Variants in NUP210L observed in about 807,000 individuals in gnomAD.
NUP210L encodes nuclear pore membrane glycoprotein 210-like.
Under a neutral mutation model 208.5 loss-of-function variants are expected in NUP210L, and 74 were observed. That is an observed-to-expected ratio of 0.35 (90% CI 0.29 to 0.43). The LOEUF (loss-of-function observed/expected upper bound fraction) is 0.43. NUP210L is among the 20% of genes least tolerant of loss of function. The pLI, the probability that NUP210L is intolerant of heterozygous loss-of-function variation, is 1.00. For synonymous variants in NUP210L, 780 were observed against 816.9 expected, an observed-to-expected ratio of 0.95 and a Z score of 0.77; for missense variants, 1,843 against 2,289.4, an observed-to-expected ratio of 0.81 and a Z score of 3.98.
At chr1:154,129,153 A>G (rs1419187904) in intron 8 of NUP210L, 124 bp downstream of exon 8, 5 of 589,720 alleles carry the variant, frequency 8.5e-6, no homozygotes, top group Non-Finnish European at 1.5e-5. Flanking sequence ...ATGTCAAAGT[A>G]AGGTTGAATT....
At chr1:154,140,919 G>A (rs930564246) in intron 4 of NUP210L, among the ~76,000 whole-genome samples, 5 of 149,430 alleles carry the variant, frequency 3.3e-5, no homozygotes, top group Admixed American at 6.7e-5. Context: ...GCGTGAACCC[G>A]GGAGGCAGAG....
At chr1:154,120,746 A>C (rs994799153) in intron 10 of NUP210L, among the ~76,000 whole-genome samples, 5 of 151,894 alleles carry the variant, frequency 3.3e-5, no homozygotes, top group African/African-American at 1.2e-4. Flanking sequence ...GATACAAAAA[A>C]TTAGCCAGGC....
rs139271850 is a variant in NUP210L at position 154,034,261 on chromosome 1, A to G, written c.3697-4207T>C. Among the ~76,000 whole-genome samples, 641 of 152,194 alleles carry G rather than the reference A, an allele frequency of 4.2e-3. 16 individuals carry two copies. In the East Asian group the frequency reaches 0.064, roughly 15 times the overall value. On this transcript the variant is annotated intron_variant, in intron 27 of 39. Coordinates refer to ENST00000368559, the Ensembl canonical transcript of NUP210L. ...GAATAGTTTGAGTAGGATTGGTATT[A>G]GTTCTCCTTTAAATGTTTGGTAAAA...
At chr1:154,148,460 G>A (rs1380406033) in intron 2 of NUP210L, among the ~76,000 whole-genome samples, 2 of 152,150 alleles carry the variant, frequency 1.3e-5, no homozygotes, top group Non-Finnish European at 2.9e-5. Context: ...TCCAGCCTTG[G>A]TGACAGAGAC....
At chr1:154,032,497 CTTTT>C (rs1043466825) in intron 27 of NUP210L, among the ~76,000 whole-genome samples, 1 of 145,418 alleles carries the variant, frequency 6.9e-6, no homozygotes, top group African/African-American at 2.5e-5. Context: ...ATTTGTATGA[CTTTT>C]TTTTTTTTGG....
intron 5 of NUP210L, 124 bp downstream of exon 5, chr1:154,139,678 A>G: frequency 1.3e-6 from 1 of 744,388 alleles, no homozygotes; most frequent in Non-Finnish European, 2.2e-6. Flanking sequence ...ACAAAAACAA[A>G]CAAACAAACA....
At chr1:154,132,925 T>C (rs1658332337) in intron 7 of NUP210L, among the ~76,000 whole-genome samples, 1 of 152,228 alleles carries the variant, frequency 6.6e-6, no homozygotes. Context: ...ATTTTTTTGG[T>C]GTTGGCAACT....
At chr1:154,116,448 G>T (rs1229212260) in intron 12 of NUP210L, among the ~76,000 whole-genome samples, 1 of 150,822 alleles carries the variant, frequency 6.6e-6, no homozygotes, top group East Asian at 2.0e-4. Flanking sequence ...AAAAAATGGG[G>T]CTGGGTACAG....
intron 7 of NUP210L, among the ~76,000 whole-genome samples, chr1:154,132,008 C>T (rs1165014036): frequency 6.6e-6 from 1 of 152,108 alleles, no homozygotes; most frequent in African/African-American, 2.4e-5. Context: ...TGGGGTTTCT[C>T]CATGTTGACC....
chr1:154,144,662 C>T (rs1659031249), intron 2 of NUP210L, among the ~76,000 whole-genome samples: 1 of 152,202 alleles, frequency 6.6e-6, no homozygotes. Context: ...ATAGCTGTTC[C>T]ATTCTACTAT....
At chr1:154,123,557 T>C (rs1422790673) in intron 10 of NUP210L, among the ~76,000 whole-genome samples, 1 of 152,214 alleles carries the variant, frequency 6.6e-6, no homozygotes, top group Non-Finnish European at 1.5e-5. Flanking sequence ...GGTAAATCTA[T>C]AATAATTTCA....
chr1:154,067,624 A>G (rs576188960), intron 17 of NUP210L, among the ~76,000 whole-genome samples: 121 of 152,248 alleles, frequency 7.9e-4, no homozygotes, highest in African/African-American at 2.3e-3. Flanking sequence ...GAAATAAAGG[A>G]TATTCAATTA....
At chr1:154,126,010 C>T (rs925574179) in intron 10 of NUP210L, among the ~76,000 whole-genome samples, 2 of 151,080 alleles carry the variant, frequency 1.3e-5, no homozygotes, top group African/African-American at 2.4e-5. Context: ...CCTCGTGATC[C>T]GCCCGCCTCG....
intron 15 of NUP210L, among the ~76,000 whole-genome samples, chr1:154,092,454 C>T (rs1416599275): frequency 1.3e-5 from 2 of 151,508 alleles, no homozygotes; most frequent in Non-Finnish European, 2.9e-5. Flanking sequence ...ACCTCAACCT[C>T]TGCCTCCCGG....
At chr1:154,063,685 G>T (rs75164063) in intron 17 of NUP210L, among the ~76,000 whole-genome samples, 1 of 151,986 alleles carries the variant, frequency 6.6e-6, no homozygotes, top group Non-Finnish European at 1.5e-5. Flanking sequence ...CACAAAATGG[G>T]GATAATAATA....
chr1:154,155,054 C>G, exon 1 of NUP210L: 3 of 1,590,774 alleles, frequency 1.9e-6, no homozygotes, highest in Non-Finnish European at 2.6e-6. Context: ...TGGCGACTGC[C>G]AGGTCTCGGG....
At chr1:154,058,839 C>T (rs1319374276) in intron 20 of NUP210L, 146 bp from the exon 21 acceptor site, 3 of 713,864 alleles carry the variant, frequency 4.2e-6, no homozygotes, top group Admixed American at 2.9e-5. Context: ...ATTATTCAGG[C>T]ATAGCATAAT....
intron 4 of NUP210L, among the ~76,000 whole-genome samples, chr1:154,140,862 C>T (rs537241558): frequency 4.0e-5 from 6 of 151,336 alleles, no homozygotes; most frequent in Admixed American, 6.6e-5. Context: ...GGCGTGGTGG[C>T]GGGCTCCTGT....
chr1:154,103,982 G>C, intron 13 of NUP210L, 30 bp downstream of exon 13: 1 of 1,521,862 alleles, frequency 6.6e-7, no homozygotes, highest in Non-Finnish European at 9.0e-7. Context: ...TAAAGACAAA[G>C]GAAGGAGAAG....
Sources: allele counts gnomAD v4.1 joint callset (sites outside exome capture counted in the v4.1 genomes callset), GRCh38; gene constraint gnomAD v4.1.1; transcripts MANE v1.5; gene names NCBI Gene and HGNC (gene_info 2026-07-23, HGNC 2026-07-21).